Variants in MALRD1 observed in about 807,000 individuals in gnomAD.
The protein encoded by MALRD1 is MAM and LDL receptor class A domain containing 1, also known as MAM and LDL-receptor class A domain-containing protein 1.
Under a neutral mutation model 242.1 loss-of-function variants are expected in MALRD1, and 247 were observed. The observed-to-expected ratio is 1.02, with a 90% CI of 0.92 to 1.13. The LOEUF (loss-of-function observed/expected upper bound fraction) is 1.13. MALRD1 is among the 50% of genes most tolerant of loss of function. The pLI is 0.00. For synonymous variants in MALRD1, 995 were observed against 866.6 expected, an observed-to-expected ratio of 1.15 and a Z score of -2.60; for missense variants, 2,989 against 2,533.1, an observed-to-expected ratio of 1.18 and a Z score of -3.86.
chr10:19,640,325 G>T (rs1840325908), intron 36 of MALRD1, among the ~76,000 whole-genome samples: 1 of 152,018 alleles, frequency 6.6e-6, no homozygotes. Context: ...TTGACCTCAG[G>T]TGGTCCACCC....
In MALRD1 at chr10:19,148,309, C is replaced by T. The variant is rs115228341; in HGVS notation, c.1558+1965C>T. ...GAGCACGGGCTGCCCAGGGTTCCGA[C>T]ACGATGTTGACACTGCACCCATGTC... On this transcript the variant is annotated intron_variant, in intron 11 of 39. Transcript: ENST00000454679. 2.8e-3 allele frequency among the ~76,000 whole-genome samples: 429 copies of T among 151,840 alleles called. 1 individual carries two copies. Among genetic ancestry groups the T allele is most frequent in the African/African-American group, 1.0e-2 (413 of 41,408 alleles).
At chr10:19,375,919 C>G (rs901300641) in intron 26 of MALRD1, among the ~76,000 whole-genome samples, 3 of 152,074 alleles carry the variant, frequency 2.0e-5, no homozygotes, top group African/African-American at 4.8e-5. Flanking sequence ...GTCAACAGAT[C>G]GAGACCATCC....
chr10:19,236,758 A>AT (rs972409459), intron 18 of MALRD1, among the ~76,000 whole-genome samples: 8 of 152,100 alleles, frequency 5.3e-5, no homozygotes, highest in African/African-American at 9.7e-5. Context: ...TACGTTTTTC[A>AT]TTTTTATAAG....
intron 21 of MALRD1, among the ~76,000 whole-genome samples, chr10:19,297,673 A>T (rs1000254369): frequency 1.3e-5 from 2 of 151,952 alleles, no homozygotes; most frequent in Non-Finnish European, 2.9e-5. Flanking sequence ...GCTATTTTGC[A>T]TACAAGATAT....
At chr10:19,712,904 AT>A (rs1357909674) in intron 38 of MALRD1, among the ~76,000 whole-genome samples, 1 of 152,226 alleles carries the variant, frequency 6.6e-6, no homozygotes, top group Non-Finnish European at 1.5e-5. Flanking sequence ...ATCCCTGTCA[AT>A]AGAACAGAGC....
chr10:19,320,466 A>G (rs762424926), intron 21 of MALRD1, among the ~76,000 whole-genome samples: 2 of 152,050 alleles, frequency 1.3e-5, no homozygotes, highest in African/African-American at 2.4e-5. Context: ...TATCCAGTCT[A>G]TCATTGATGG....
chr10:19,226,593 G>T (rs1026807595), intron 18 of MALRD1, among the ~76,000 whole-genome samples: 12 of 151,624 alleles, frequency 7.9e-5, no homozygotes, highest in African/African-American at 2.9e-4. Context: ...AGGTCCTTTT[G>T]GATAAATTAC....
rs1480909278 is a variant in MALRD1, at chr10:19,270,334, TCTCACA to T, written c.3080-9711_3080-9706del. 4.1e-3 allele frequency among the ~76,000 whole-genome samples: 308 copies of T among 75,676 alleles called. 1 individual carries two copies. Among genetic ancestry groups the T allele is most frequent in the African/African-American group, 8.4e-3 (204 of 24,194 alleles). 49.6% of individuals were successfully genotyped at this position (75,676 alleles called of 152,430 possible). On this transcript the variant is annotated intron_variant, in intron 19 of 39. Transcript: ENST00000454679. The stretch of plus-strand genomic sequence containing the variant: ...TCTCTCTCTTCTCTCTCTCTCTCTC[TCTCACA>T]CACACACACACACACACACACACAC...
At chr10:19,688,142 G>GT (rs1842671515) in intron 36 of MALRD1, among the ~76,000 whole-genome samples, 1 of 152,004 alleles carries the variant, frequency 6.6e-6, no homozygotes, top group African/African-American at 2.4e-5. Flanking sequence ...GCTAATTTTT[G>GT]TATTTTTAGT....
chr10:19,159,519 T>C (rs1834306063), intron 12 of MALRD1, among the ~76,000 whole-genome samples: 1 of 151,726 alleles, frequency 6.6e-6, no homozygotes, highest in Non-Finnish European at 1.5e-5. Flanking sequence ...AGAATGGCCA[T>C]GAAGATTTGA....
At chr10:19,267,456 G>T (rs1840017325) in intron 19 of MALRD1, among the ~76,000 whole-genome samples, 1 of 151,886 alleles carries the variant, frequency 6.6e-6, no homozygotes, top group Non-Finnish European at 1.5e-5. Flanking sequence ...TGTTGAACTG[G>T]GTTGATTACA....
At position 19,088,178 on chromosome 10, in the gene MALRD1, G is replaced by T. The variant is rs1835739645; in HGVS notation, c.590G>T (p.Arg197Ile). The T allele has an allele frequency of 8.1e-7, 1 of 1,233,206 alleles. No homozygotes were observed. Among genetic ancestry groups the T allele is most frequent in the East Asian group, 3.2e-5 (1 of 31,688 alleles). The allele number at this position is 1,233,206 out of a possible 1,614,324, so 76.4% of individuals were successfully genotyped here. ...GTCATCAAAATCCAGAGTTCACAGA[G>T]ATTTCAGGTATGTGTGTTCTATTTT... ...RNVIKIQSSQ[R>I]FQVVFEGQMA... Residue 197 changes from arginine to isoleucine, a missense_variant, in exon 4 of 40, where the codon AGA becomes ATA. By Grantham distance (97) the Arg-to-Ile change is moderately conservative. Transcript: ENST00000454679.
At chr10:19,285,353 C>T (rs1841054892) in intron 21 of MALRD1, among the ~76,000 whole-genome samples, 1 of 142,000 alleles carries the variant, frequency 7.0e-6, no homozygotes, top group African/African-American at 2.7e-5. Context: ...ATGGTAATGC[C>T]TAGGTTTTCT....
intron 21 of MALRD1, among the ~76,000 whole-genome samples, chr10:19,293,712 C>G (rs1588867349): frequency 6.6e-6 from 1 of 152,024 alleles, no homozygotes; most frequent in Admixed American, 6.6e-5. Context: ...GATAAGAACT[C>G]TTGGACGCAA....
At chr10:19,179,297 C>T (rs1835392407) in intron 14 of MALRD1, among the ~76,000 whole-genome samples, 2 of 152,158 alleles carry the variant, frequency 1.3e-5, no homozygotes, top group African/African-American at 4.8e-5. Flanking sequence ...TAGACATCTG[C>T]TGTATAACAT....
intron 28 of MALRD1, among the ~76,000 whole-genome samples, chr10:19,437,700 G>A (rs1162273519): frequency 2.6e-5 from 4 of 151,944 alleles, no homozygotes; most frequent in Admixed American, 6.6e-5. Context: ...ATATACTAAT[G>A]CTAGCTGCTG....
At chr10:19,553,588 G>A (rs1481805547) in intron 32 of MALRD1, among the ~76,000 whole-genome samples, 1 of 152,032 alleles carries the variant, frequency 6.6e-6, no homozygotes, top group Non-Finnish European at 1.5e-5. Context: ...TTCAGAAACT[G>A]ATGAATAAAA....
At chr10:19,164,330 G>A (rs1179093836) in intron 12 of MALRD1, among the ~76,000 whole-genome samples, 1 of 151,916 alleles carries the variant, frequency 6.6e-6, no homozygotes, top group African/African-American at 2.4e-5. Flanking sequence ...ACTGGAATTG[G>A]GTCCCAACAG....
intron 38 of MALRD1, among the ~76,000 whole-genome samples, chr10:19,711,580 T>C (rs1834120649): frequency 6.6e-6 from 1 of 152,160 alleles, no homozygotes; most frequent in Non-Finnish European, 1.5e-5. Context: ...GAGAAAGGGT[T>C]GGTGCAGAGG....
Sources: gnomAD v4.1 joint callset for allele counts (sites outside exome capture counted in the v4.1 genomes callset) on GRCh38, gnomAD v4.1.1 for gene constraint, MANE v1.5 for transcripts, NCBI Gene and HGNC (gene_info 2026-07-23, HGNC 2026-07-21) for gene names.